ACADVL: variants seen among roughly 807,000 people sequenced by gnomAD.
The protein encoded by ACADVL is very long-chain acyl-CoA dehydrogenase, mitochondrial.
In ACADVL, 73 loss-of-function variants were observed where a neutral mutation model predicts 80.4. The observed-to-expected ratio is 0.91, with a 90% confidence interval of 0.75 to 1.10. The LOEUF (loss-of-function observed/expected upper bound fraction) is 1.10, where lower values mean the gene tolerates loss of function less well. ACADVL is among the 50% of genes least tolerant of loss of function. The pLI is 0.00. For missense variants in ACADVL, 878 were observed against 858.9 expected (o/e 1.02, Z -0.28); for synonymous variants, 392 against 326.5 (o/e 1.20, Z -2.16).
Position 7,222,765 on chromosome 17 carries a change from T to C in ACADVL, c.977T>C (p.Val326Ala), listed in dbSNP as rs1205407134. 1 of 1,614,060 alleles carries C rather than the reference T, an allele frequency of 6.2e-7. No individual in the cohort carries two copies. ...CCATCGGAGAACGTGCTGGGTGAGG[T>C]TGGGAGTGGCTTCAAGGTTGCCATG... ...RVPSENVLGEVGSGFKVAMHI... is the reference protein window; with the variant it reads ...RVPSENVLGEAGSGFKVAMHI... The change falls in exon 10 of 20, where the codon GTT becomes GCT. Residue 326 changes from valine (V) to alanine (A), a missense_variant. Val to Ala is a moderately conservative substitution (Grantham distance 64, BLOSUM62 0). Coordinates refer to ENST00000356839, the MANE Select transcript of ACADVL (RefSeq NM_000018.4).
At chr17:7,220,876 T>A in intron 5 of ACADVL, 46 bp downstream of exon 5, 1 of 1,613,972 alleles carries the variant, frequency 6.2e-7, no homozygotes, top group Non-Finnish European at 8.5e-7. Flanking sequence ...TGTTTGGAGA[T>A]GTTAAGCTCA....
rs118204018 is a variant in ACADVL at position 7,223,707 on chromosome 17, G to T, written c.1246G>T (p.Ala416Ser). The change falls in exon 12 of 20, where the codon GCC (alanine) becomes TCC (serine). Residue 416 changes from alanine (A) to serine (S), a missense_variant. By Grantham distance (99) the Ala-to-Ser change is moderately conservative. Coordinates refer to ENST00000356839, the MANE Select transcript of ACADVL (RefSeq NM_000018.4). ...QGATDFQIEAAISKIFGSEAA... is the reference protein window; with the variant it reads ...QGATDFQIEASISKIFGSEAA... ...AGCCACGGACTTCCAGATAGAGGCC[G>T]CCATCAGCAAAATCTTTGGCTCGGT... The T allele has an allele frequency of 3.3e-5, 54 of 1,613,970 alleles. No homozygotes were observed. Among genetic ancestry groups the T allele is most frequent in the African/African-American group, 8.0e-5 (6 of 74,900 alleles).
At chr17:7,218,766 T>G (rs1286789053), upstream of ACADVL, 9 of 1,600,142 alleles carry the variant, frequency 5.6e-6, no homozygotes, top group Admixed American at 1.5e-4. Context: ...GGGAGAAGGA[T>G]CTCCGAGCCC....
upstream of ACADVL, chr17:7,217,813 G>A (rs1441310624): frequency 2.6e-6 from 4 of 1,534,992 alleles, no homozygotes; most frequent in Non-Finnish European, 2.6e-6. Context: ...CAGCAAAGAC[G>A]ATGAGGCTGG....
chr17:7,217,671 A>AC (rs2070993433), upstream of ACADVL: 1 of 1,210,526 alleles, frequency 8.3e-7, no homozygotes, highest in South Asian at 1.3e-5. Flanking sequence ...AGGAGCCAGA[A>AC]TGGGGGGGGT....
upstream of ACADVL, chr17:7,218,369 CA>C: frequency 2.0e-6 from 3 of 1,476,026 alleles, no homozygotes; most frequent in Non-Finnish European, 2.8e-6. Flanking sequence ...GGCTGGCTGG[CA>C]AGGGAGGAGC....
rs148055786 is a variant in ACADVL at position 7,222,453 on chromosome 17, G to A, written c.878+151G>A. ...TTGGGACTAATATGTATGCAACTGAGCTAAAGTTTTGGCTCCAGCAACCAA... is the reference window on the plus strand; with the variant it reads ...TTGGGACTAATATGTATGCAACTGAACTAAAGTTTTGGCTCCAGCAACCAA... On this transcript the variant is annotated intron_variant, in intron 9 of 19. Transcript: ENST00000356839. 799 of 1,320,998 alleles carry A rather than the reference G, an allele frequency of 6.0e-4. 7 individuals are homozygous for A. The African/African-American group carries it at 0.01, about 17-fold the overall frequency. The allele number at this position is 1,320,998 out of a possible 1,614,324, so 81.8% of individuals were successfully genotyped here. A position where few individuals can be genotyped will look rare whatever the true frequency, so the allele number is the denominator to read the frequency against.
rs1322311502 is a variant in ACADVL, at chr17:7,220,804, G to C, written c.316G>C (p.Val106Leu). 3 of 1,614,022 alleles carry C rather than the reference G, an allele frequency of 1.9e-6. No individual in the cohort carries two copies. Among genetic ancestry groups the C allele is most frequent in the South Asian group, 1.1e-5 (1 of 91,090 alleles). ...GCAGACACAGTTTCTTAAAGAGCTG[G>C]TGGAGCCTGTGTCCCGTTTCTTCGA... ...EEQTQFLKELVEPVSRFFEEV... is the reference protein window; with the variant it reads ...EEQTQFLKELLEPVSRFFEEV... Residue 106 changes from valine (V) to leucine (L), a missense_variant, in exon 5 of 20, where the codon GTG (valine) becomes CTG (leucine). By Grantham distance (32) the Val-to-Leu change is conservative (BLOSUM62 1). Transcript: ENST00000356839.
intron 9 of ACADVL, 59 bp from the exon 10 acceptor site, chr17:7,222,608 T>C (rs2071283626): frequency 6.6e-7 from 1 of 1,516,794 alleles, no homozygotes; most frequent in Non-Finnish European, 9.0e-7. Context: ...AGGAGCAGTT[T>C]TTCCCCCAGT....
intron 11 of ACADVL, 52 bp from the exon 12 acceptor site, chr17:7,223,592 T>C (rs2071334418): frequency 6.2e-7 from 1 of 1,601,170 alleles, no homozygotes; most frequent in Non-Finnish European, 8.6e-7. Flanking sequence ...AGGCCAAGTC[T>C]GACAAAGCCC....
chr17:7,219,024 C>A, upstream of ACADVL: 1 of 677,764 alleles, frequency 1.5e-6, no homozygotes, highest in Admixed American at 2.4e-5. Context: ...ACACCCTGGC[C>A]CCCTCTTCCC....
rs1424287389 is a variant in ACADVL, at chr17:7,222,326, G to A, written c.878+24G>A. 1.9e-6 allele frequency: 3 copies of A among 1,611,728 alleles called. No homozygotes were observed. In the South Asian group the frequency reaches 3.3e-5, roughly 18 times the overall value. ...CAGTGAGTGAATTTGGGTTGGGGGAGCTTAGGACTGAGGGGCAGGACTGGG... is the reference window on the plus strand; with the variant it reads ...CAGTGAGTGAATTTGGGTTGGGGGAACTTAGGACTGAGGGGCAGGACTGGG... On this transcript the variant is annotated intron_variant, in intron 9 of 19. Transcript: ENST00000356839.
At position 7,220,786 on chromosome 17, in the gene ACADVL, C is replaced by CA; in HGVS notation, c.299dup (p.Phe101ValfsTer3). 1 of 1,614,136 alleles carries CA rather than the reference C, an allele frequency of 6.2e-7. No individual in the cohort carries two copies. Among genetic ancestry groups the CA allele is most frequent in the Non-Finnish European group, 8.5e-7 (1 of 1,180,036 alleles). On this transcript the variant is annotated frameshift_variant, in exon 5 of 20. Coordinates refer to ENST00000356839, the MANE Select transcript of ACADVL (RefSeq NM_000018.4). LOFTEE classifies it high-confidence loss of function. ...TGCAGTGCTCAACGAAGAGCAGACA[C>CA]AGTTTCTTAAAGAGCTGGTGGAGCC...
In ACADVL at chr17:7,220,672, G is replaced by A. The variant is rs778993830; in HGVS notation, c.273G>A (p.Pro91=). 1.9e-6 allele frequency: 3 copies of A among 1,614,074 alleles called. No homozygotes were observed. The African/African-American group carries it at 4.0e-5, about 22-fold the overall frequency. The part of the protein sequence containing the change: ...QLTTDQVFPY[P]SVLNEEQTQF... Reference sequence around the variant, plus strand: ...CCACAGATCAGGTGTTCCCATACCCGTCCGGTAAGGGAAGGGATAATCAGA... The same window carrying A: ...CCACAGATCAGGTGTTCCCATACCCATCCGGTAAGGGAAGGGATAATCAGA... Residue 91 remains proline (P), a synonymous_variant, in exon 4 of 20, where the codon CCG becomes CCA. Transcript: ENST00000356839.
At chr17:7,220,701 G>A (rs1158203136) in intron 4 of ACADVL, 25 bp downstream of exon 4, 4 of 1,614,108 alleles carry the variant, frequency 2.5e-6, no homozygotes, top group Non-Finnish European at 3.4e-6. Flanking sequence ...AATCAGAGCT[G>A]GGTGGGGCCA....
In ACADVL at chr17:7,222,184, G is replaced by A. The variant is rs765423779; in HGVS notation, c.760G>A (p.Gly254Ser). The A allele has an allele frequency of 1.4e-5, 23 of 1,614,026 alleles. No individual in the cohort carries two copies. In the African/African-American group the frequency reaches 2.5e-4, roughly 18 times the overall value. The change falls in exon 9 of 20, where the codon GGC becomes AGC. Residue 254 changes from glycine to serine, a missense_variant. By Grantham distance (56) the Gly-to-Ser change is moderately conservative (BLOSUM62 0). Transcript: ENST00000356839. ...NGSKLWISNG[G>S]LADIFTVFAK... is the part of the protein sequence containing the mutation. ...TATCCCATTCTTCCACAGTAATGGG[G>A]GCCTAGCAGACATCTTCACGGTCTT...
intron 11 of ACADVL, 107 bp from the exon 12 acceptor site, chr17:7,223,537 A>C: frequency 8.2e-7 from 1 of 1,223,924 alleles, no homozygotes; most frequent in Non-Finnish European, 1.2e-6. Context: ...TATCTGCCTG[A>C]CCTGACAAGC....
At position 7,223,158 on chromosome 17, in the gene ACADVL, A is replaced by G; in HGVS notation, c.1103A>G (p.Gln368Arg). ...KAVDHATNRTQFGEKIHNFGL... is the reference protein window; with the variant it reads ...KAVDHATNRTRFGEKIHNFGL... ...GTAGATCATGCCACTAATCGTACCCAGTTTGGGGAGAAAATTCACAACTTT... is the reference window on the plus strand; with the variant it reads ...GTAGATCATGCCACTAATCGTACCCGGTTTGGGGAGAAAATTCACAACTTT... The change falls in exon 11 of 20, where the codon CAG becomes CGG. Residue 368 changes from glutamine (Q) to arginine (R), a missense_variant. Transcript: ENST00000356839. The G allele has an allele frequency of 6.2e-7, 1 of 1,614,066 alleles. No individual in the cohort carries two copies. Among genetic ancestry groups the G allele is most frequent in the Non-Finnish European group, 8.5e-7 (1 of 1,179,938 alleles).
intron 2 of ACADVL, 115 bp from the exon 3 acceptor site, chr17:7,220,349 G>A: frequency 6.4e-7 from 1 of 1,560,170 alleles, no homozygotes; most frequent in East Asian, 2.3e-5. Flanking sequence ...GCCCTAGGGC[G>A]AAACTAGGGG....
Sources: allele counts gnomAD v4.1 joint callset, GRCh38; gene constraint gnomAD v4.1.1; transcripts MANE v1.5; gene names NCBI Gene and HGNC (gene_info 2026-07-23, HGNC 2026-07-21).